Variants in AXDND1 observed in about 807,000 individuals in gnomAD.
The protein encoded by AXDND1 is axonemal dynein light chain domain-containing protein 1.
Under a neutral mutation model 137.5 loss-of-function variants are expected in AXDND1, and 110 were observed. The observed-to-expected ratio is 0.80, with a 90% CI of 0.69 to 0.94. The LOEUF (loss-of-function observed/expected upper bound fraction) is 0.94, where lower values mean the gene tolerates loss of function less well. Ranked by LOEUF, AXDND1 falls within the 40% of genes least tolerant of loss-of-function variation. The pLI, the probability that AXDND1 is intolerant of heterozygous loss-of-function variation, is 0.00. For missense variants in AXDND1, 1,191 were observed against 1,169.8 expected, an observed-to-expected ratio of 1.02 and a Z score of -0.26; for synonymous variants, 414 against 399.7, an observed-to-expected ratio of 1.04 and a Z score of -0.43.
At chr1:179,552,524 G>A in intron 25 of AXDND1, 1 of 1,120,770 alleles carries the variant, frequency 8.9e-7, no homozygotes, top group Non-Finnish European at 1.3e-6. Context: ...TGAATGGACA[G>A]TAAGGAAGCA....
At chr1:179,408,968 C>CT (rs74384865) in intron 11 of AXDND1, among the ~76,000 whole-genome samples, 3,552 of 126,002 alleles carry the variant, frequency 0.028, 107 homozygotes, top group African/African-American at 0.091. Flanking sequence ...TTTTTTCTTT[C>CT]TTTTTTTTTT....
intron 21 of AXDND1, 56 bp downstream of exon 21, chr1:179,509,459 C>CA (rs1049700416): frequency 2.6e-6 from 3 of 1,134,972 alleles, no homozygotes; most frequent in Admixed American, 2.0e-5. Flanking sequence ...TATTTCAGTA[C>CA]AGAAGGTTCA....
At chr1:179,526,945 T>G (rs1341155270) in intron 22 of AXDND1, among the ~76,000 whole-genome samples, 1 of 152,216 alleles carries the variant, frequency 6.6e-6, no homozygotes, top group Non-Finnish European at 1.5e-5. Context: ...TGGGTTTCAC[T>G]TTAAAGATAA....
intron 21 of AXDND1, among the ~76,000 whole-genome samples, chr1:179,524,115 A>G (rs1020689604): frequency 1.3e-5 from 2 of 152,106 alleles, no homozygotes; most frequent in African/African-American, 4.8e-5. Context: ...GGCTGGTTCC[A>G]TATTTTTGCA....
rs964729093 is a variant in AXDND1 at position 179,531,785 on chromosome 1, A to G, written c.2716-2010A>G. ...AAGCCCATTAGTAGAGTCAAACCCC[A>G]GGAGGACCAAGCTAAAAAACCTAAA... On this transcript the variant is annotated intron_variant, in intron 23 of 25. Transcript: ENST00000367618. Among the ~76,000 whole-genome samples the G allele has an allele frequency of 7.9e-5, 12 of 152,162 alleles. No homozygotes were observed. The South Asian group carries it at 1.5e-3, about 18-fold the overall frequency.
At chr1:179,490,766 T>TG (rs1007010415) in intron 18 of AXDND1, among the ~76,000 whole-genome samples, 38 of 149,516 alleles carry the variant, frequency 2.5e-4, no homozygotes, top group African/African-American at 8.7e-4. Flanking sequence ...GTACTTGTTT[T>TG]TTTTTTTTTT....
At chr1:179,513,174 C>T (rs895483464) in intron 21 of AXDND1, among the ~76,000 whole-genome samples, 1 of 152,134 alleles carries the variant, frequency 6.6e-6, no homozygotes, top group Non-Finnish European at 1.5e-5. Flanking sequence ...CAGCTTTCCC[C>T]ATCCAATATT....
chr1:179,380,428 G>A (rs1648072708), intron 6 of AXDND1, among the ~76,000 whole-genome samples: 1 of 152,162 alleles, frequency 6.6e-6, no homozygotes, highest in African/African-American at 2.4e-5. Context: ...CTTTAGGAAT[G>A]ATTTTGAGCA....
intron 21 of AXDND1, among the ~76,000 whole-genome samples, chr1:179,516,235 A>G (rs1381406721): frequency 1.3e-5 from 2 of 152,062 alleles, no homozygotes; most frequent in African/African-American, 4.8e-5. Context: ...CTACTTGTTC[A>G]ATTCTATTGC....
At chr1:179,398,898 G>A (rs1038087067) in intron 11 of AXDND1, among the ~76,000 whole-genome samples, 2 of 152,120 alleles carry the variant, frequency 1.3e-5, no homozygotes, top group Non-Finnish European at 2.9e-5. Flanking sequence ...AGGGCAGAAT[G>A]TACTACTGCC....
chr1:179,537,964 T>C (rs1183547758), intron 25 of AXDND1, among the ~76,000 whole-genome samples: 1 of 152,250 alleles, frequency 6.6e-6, no homozygotes, highest in East Asian at 1.9e-4. Context: ...TTCTAGATTT[T>C]CTAGTTTATT....
intron 20 of AXDND1, among the ~76,000 whole-genome samples, chr1:179,499,047 G>C (rs1161219596): frequency 1.3e-5 from 2 of 152,066 alleles, no homozygotes; most frequent in Non-Finnish European, 2.9e-5. Flanking sequence ...TTAAAACAGA[G>C]CTACAGTTCA....
chr1:179,446,802 T>C (rs7532155), intron 16 of AXDND1, among the ~76,000 whole-genome samples: 47,776 of 151,372 alleles, frequency 0.32, 7,844 homozygotes, highest in African/African-American at 0.37. Flanking sequence ...GTGGGTGGCT[T>C]TTCCATTTTC....
chr1:179,461,509 G>T (rs138722001), intron 16 of AXDND1, among the ~76,000 whole-genome samples: 4,527 of 152,186 alleles, frequency 0.03, 252 homozygotes, highest in African/African-American at 0.1. Context: ...TGTTCATTTT[G>T]CTTAGGATTG....
At chr1:179,516,236 A>G (rs777549103) in intron 21 of AXDND1, among the ~76,000 whole-genome samples, 4 of 152,048 alleles carry the variant, frequency 2.6e-5, no homozygotes, top group East Asian at 1.9e-4. Flanking sequence ...TACTTGTTCA[A>G]TTCTATTGCT....
chr1:179,443,576 C>T (rs920540155), intron 15 of AXDND1, among the ~76,000 whole-genome samples: 1 of 152,122 alleles, frequency 6.6e-6, no homozygotes, highest in Admixed American at 6.5e-5. Context: ...CTCCCCCAAC[C>T]CCCTGGGCAA....
At chr1:179,466,200 C>G (rs1663144519) in intron 16 of AXDND1, among the ~76,000 whole-genome samples, 1 of 152,036 alleles carries the variant, frequency 6.6e-6, no homozygotes, top group Non-Finnish European at 1.5e-5. Context: ...CTGCATTGCT[C>G]ACGCTGGGAG....
intron 21 of AXDND1, among the ~76,000 whole-genome samples, chr1:179,525,000 GC>G (rs1400543318): frequency 6.6e-6 from 1 of 152,040 alleles, no homozygotes; most frequent in Non-Finnish European, 1.5e-5. Context: ...AACATCCTCT[GC>G]CCAGAGCTGC....
chr1:179,505,010 G>A (rs1241336574), intron 20 of AXDND1, among the ~76,000 whole-genome samples: 1 of 152,168 alleles, frequency 6.6e-6, no homozygotes, highest in Non-Finnish European at 1.5e-5. Flanking sequence ...TAAAAAAATG[G>A]TTAGTTCCAT....
Sources: allele counts gnomAD v4.1 joint callset (sites outside exome capture counted in the v4.1 genomes callset), GRCh38; gene constraint gnomAD v4.1.1; transcripts MANE v1.5; gene names NCBI Gene and HGNC (gene_info 2026-07-23, HGNC 2026-07-21).